The following TAFA4 variants were observed in gnomAD, a reference collection of about 807,000 sequenced individuals.
TAFA4 encodes the protein TAFA chemokine like family member 4, also known as chemokine-like protein TAFA-4.
In TAFA4, 20 loss-of-function variants were observed where a neutral mutation model predicts 21.1. The ratio of observed to expected loss-of-function variants is 0.95; its 90% CI spans 0.67 to 1.38. The LOEUF is 1.38. Among genes scored for constraint, TAFA4 ranks in the 40% most tolerant of loss-of-function variants. The pLI is 0.00. For missense variants in TAFA4, 211 were observed against 180.9 expected (o/e 1.17, Z -0.95); for synonymous variants, 71 against 67.4 (o/e 1.05, Z -0.26).
At chr3:68,841,545 G>A (rs1424522069) in intron 3 of TAFA4, among the ~76,000 whole-genome samples, 5 of 151,974 alleles carry the variant, frequency 3.3e-5, no homozygotes, top group Non-Finnish European at 5.9e-5. Flanking sequence ...GGGTTTAAGA[G>A]GAACTTTTTT....
chr3:68,883,487 C>A (rs1028544823), intron 2 of TAFA4, among the ~76,000 whole-genome samples: 4 of 152,158 alleles, frequency 2.6e-5, no homozygotes, highest in Non-Finnish European at 5.9e-5. Context: ...TTCATCTATG[C>A]CTTACAGGTG....
intron 3 of TAFA4, among the ~76,000 whole-genome samples, chr3:68,866,203 C>A (rs1292548230): frequency 6.6e-6 from 1 of 152,110 alleles, no homozygotes; most frequent in East Asian, 1.9e-4. Flanking sequence ...TTCAGCAGCA[C>A]CACACTGTAG....
intron 3 of TAFA4, among the ~76,000 whole-genome samples, chr3:68,777,473 T>C (rs1703068840): frequency 6.6e-6 from 1 of 152,116 alleles, no homozygotes; most frequent in African/African-American, 2.4e-5. Context: ...ATTTCAAGCA[T>C]TTAACTGTAA....
intron 3 of TAFA4, among the ~76,000 whole-genome samples, chr3:68,858,455 A>G (rs1705121284): frequency 1.3e-5 from 2 of 152,080 alleles, no homozygotes; most frequent in Non-Finnish European, 1.5e-5. Flanking sequence ...AATTGATGGG[A>G]AAAGGAAGAG....
chr3:68,810,687 G>A (rs554482335), intron 3 of TAFA4, among the ~76,000 whole-genome samples: 2 of 152,308 alleles, frequency 1.3e-5, no homozygotes, highest in East Asian at 3.9e-4. Context: ...GCTCGAACTG[G>A]GTGGAGCCCA....
At position 68,733,244 on chromosome 3, in the gene TAFA4, G is replaced by C. The variant is rs566121386; in HGVS notation, c.412-91C>G. On this transcript the variant is annotated intron_variant, in intron 5 of 5. Coordinates refer to ENST00000295569, the MANE Select transcript of TAFA4 (RefSeq NM_182522.5). ...CCGAGACCAATAAGGTCCTGACTGT[G>C]AATACTTTATCAGTTTGTACATTTA... 10 of 1,476,100 alleles carry C rather than the reference G, an allele frequency of 6.8e-6. 1 individual carries two copies. The South Asian group carries it at 1.1e-4, about 17-fold the overall frequency. 91.4% of individuals were successfully genotyped at this position (1,476,100 alleles called of 1,614,324 possible).
intron 1 of TAFA4, among the ~76,000 whole-genome samples, chr3:68,922,642 C>G (rs2090069959): frequency 6.6e-6 from 1 of 152,164 alleles, no homozygotes; most frequent in African/African-American, 2.4e-5. Flanking sequence ...TGAGTTTACA[C>G]TTGGGATCCT....
chr3:68,847,990 A>G (rs1009119404), intron 3 of TAFA4, among the ~76,000 whole-genome samples: 3 of 152,238 alleles, frequency 2.0e-5, no homozygotes, highest in Admixed American at 2.0e-4. Context: ...GATAAATATT[A>G]CTGCTGCTAA....
At chr3:68,856,927 G>A (rs187900172) in intron 3 of TAFA4, among the ~76,000 whole-genome samples, 74 of 152,204 alleles carry the variant, frequency 4.9e-4, no homozygotes, top group Admixed American at 4.5e-3. Flanking sequence ...CACACAGAAT[G>A]GGTCTGAGCC....
At chr3:68,855,411 A>G (rs761352467) in intron 3 of TAFA4, among the ~76,000 whole-genome samples, 2 of 152,162 alleles carry the variant, frequency 1.3e-5, no homozygotes, top group Non-Finnish European at 2.9e-5. Flanking sequence ...ATTCCACAAC[A>G]GTTATAAGAA....
intron 3 of TAFA4, among the ~76,000 whole-genome samples, chr3:68,785,415 G>A (rs1703233042): frequency 6.6e-6 from 1 of 152,356 alleles, no homozygotes; most frequent in East Asian, 1.9e-4. Flanking sequence ...CAGAGGAGCA[G>A]GGGAAGGCTC....
At chr3:68,812,520 C>A (rs183105536) in intron 3 of TAFA4, among the ~76,000 whole-genome samples, 31 of 152,150 alleles carry the variant, frequency 2.0e-4, no homozygotes, top group African/African-American at 6.0e-4. Flanking sequence ...GCAGGGGTTG[C>A]AATCCTAGTC....
chr3:68,750,542 A>G (rs1702541637), intron 4 of TAFA4, among the ~76,000 whole-genome samples: 1 of 152,248 alleles, frequency 6.6e-6, no homozygotes, highest in Admixed American at 6.5e-5. Flanking sequence ...ATACACAGAT[A>G]TACAGAAAAA....
At chr3:68,930,304 G>A (rs542579997) in intron 1 of TAFA4, among the ~76,000 whole-genome samples, 3 of 152,300 alleles carry the variant, frequency 2.0e-5, no homozygotes, top group Admixed American at 1.3e-4. Flanking sequence ...AGAGATATTT[G>A]TAGGGGTTTT....
intron 1 of TAFA4, among the ~76,000 whole-genome samples, chr3:68,892,852 A>G (rs1000861988): frequency 2.0e-5 from 3 of 152,240 alleles, no homozygotes; most frequent in Admixed American, 2.0e-4. Context: ...ATCATTGCTA[A>G]GTAATAATGA....
At chr3:68,802,291 G>T (rs185325981) in intron 3 of TAFA4, among the ~76,000 whole-genome samples, 1 of 152,128 alleles carries the variant, frequency 6.6e-6, no homozygotes, top group Non-Finnish European at 1.5e-5. Context: ...ACACAAACTG[G>T]AAGAAAATAT....
intron 3 of TAFA4, among the ~76,000 whole-genome samples, chr3:68,802,605 C>T (rs1425619204): frequency 6.6e-6 from 1 of 152,050 alleles, no homozygotes; most frequent in Admixed American, 6.6e-5. Context: ...AGTAGTTGAG[C>T]GGCAGATGGC....
At chr3:68,891,635 C>T (rs1575660558) in intron 1 of TAFA4, among the ~76,000 whole-genome samples, 2 of 152,148 alleles carry the variant, frequency 1.3e-5, no homozygotes, top group African/African-American at 4.8e-5. Context: ...CACTAATTTC[C>T]ACCCAGACAG....
intron 1 of TAFA4, among the ~76,000 whole-genome samples, chr3:68,924,037 A>G (rs1164989993): frequency 6.6e-6 from 1 of 152,206 alleles, no homozygotes; most frequent in Non-Finnish European, 1.5e-5. Context: ...GTACAATAAA[A>G]TGGCACAGCT....
Sources: allele counts gnomAD v4.1 joint callset (sites outside exome capture counted in the v4.1 genomes callset), GRCh38; gene constraint gnomAD v4.1.1; transcripts MANE v1.5; gene names NCBI Gene and HGNC (gene_info 2026-07-23, HGNC 2026-07-21).